Variants in MAPK14 observed in about 807,000 individuals in gnomAD.
MAPK14 encodes the protein mitogen-activated protein kinase 14.
Under a neutral mutation model 49.6 loss-of-function variants are expected in MAPK14, and 16 were observed. The observed-to-expected ratio is 0.32, with a 90% CI of 0.22 to 0.49. The LOEUF (loss-of-function observed/expected upper bound fraction) is 0.49. Ranked by LOEUF, MAPK14 falls within the 20% of genes least tolerant of loss-of-function variation. MAPK14 has a pLI of 0.99. For missense variants in MAPK14, 200 were observed against 441.2 expected (o/e 0.45, Z 4.90); for synonymous variants, 142 against 158.0 (o/e 0.90, Z 0.76).
At chr6:36,076,463 T>C in intron 7 of MAPK14, 74 bp from the exon 8 acceptor site, 1 of 1,052,148 alleles carries the variant, frequency 9.5e-7, no homozygotes, top group Non-Finnish European at 1.5e-6. Context: ...TCACCCCTAG[T>C]TACGGTTTCA....
the MAPK14 span, among the ~76,000 whole-genome samples, chr6:36,124,150 CCCTTCCTT>C: frequency 3.5e-5 from 1 of 28,904 alleles, no homozygotes. Flanking sequence ...CTCCCTCCCT[CCCTTCCTT>C]CCTTCCTTCC....
intron 1 of MAPK14, among the ~76,000 whole-genome samples, chr6:36,041,815 T>G (rs1762971614): frequency 6.6e-6 from 1 of 152,152 alleles, no homozygotes; most frequent in African/African-American, 2.4e-5. Flanking sequence ...GTGAAGGAAA[T>G]TTGCCAGTCG....
intron 8 of MAPK14, among the ~76,000 whole-genome samples, chr6:36,077,842 G>GTA (rs202001832): frequency 2.2e-4 from 33 of 151,946 alleles, no homozygotes; most frequent in Middle Eastern, 3.4e-3. Context: ...CAGAAATTTG[G>GTA]TATATATATA....
chr6:36,115,195 T>C (rs577370279), downstream of MAPK14, among the ~76,000 whole-genome samples: 2 of 152,296 alleles, frequency 1.3e-5, no homozygotes, highest in East Asian at 3.9e-4. Context: ...GAAGTTATTA[T>C]AAGTTAAATA....
intron 3 of MAPK14, among the ~76,000 whole-genome samples, chr6:36,069,199 C>A (rs190496799): frequency 3.9e-5 from 6 of 152,276 alleles, no homozygotes; most frequent in Admixed American, 6.5e-5. Context: ...GAAACAAATA[C>A]TATAGAAATT....
At chr6:36,049,291 G>A (rs1170615843) in intron 1 of MAPK14, among the ~76,000 whole-genome samples, 1 of 152,024 alleles carries the variant, frequency 6.6e-6, no homozygotes, top group Non-Finnish European at 1.5e-5. Flanking sequence ...CTATTTTAGG[G>A]CCCAAGATCT....
downstream of MAPK14, among the ~76,000 whole-genome samples, chr6:36,112,534 G>A (rs908889697): frequency 2.0e-5 from 3 of 152,188 alleles, no homozygotes; most frequent in African/African-American, 7.2e-5. Flanking sequence ...AACTGATTTT[G>A]TATCTTACAA....
chr6:36,047,588 C>CAG lies in MAPK14; in HGVS notation c.117-5110_117-5109dup, dbSNP rs539682445. Reference sequence around the variant, plus strand: ...TATTTTTTATTTTTCATTTTTGAGACAGTCTCACTGTATCTTCCAGGCTAG... The same window carrying CAG: ...TATTTTTTATTTTTCATTTTTGAGACAGAGTCTCACTGTATCTTCCAGGCTAG... On this transcript the variant is annotated intron_variant, in intron 1 of 11. Transcript: ENST00000229794. Among the ~76,000 whole-genome samples the CAG allele has an allele frequency of 1.2e-3, 180 of 152,268 alleles. 3 individuals are homozygous for CAG. The South Asian group carries it at 0.036, about 30-fold the overall frequency.
chr6:36,111,577 G>A (rs1164426282), downstream of MAPK14, among the ~76,000 whole-genome samples: 2 of 152,152 alleles, frequency 1.3e-5, no homozygotes, highest in Non-Finnish European at 1.5e-5. Flanking sequence ...AGCTGGCTAC[G>A]GTCCTTGAAA....
chr6:36,115,910 A>G (rs1273001703), downstream of MAPK14, among the ~76,000 whole-genome samples: 1 of 145,330 alleles, frequency 6.9e-6, no homozygotes, highest in Non-Finnish European at 1.5e-5. Context: ...CCTGGGCAAC[A>G]GAGGGAGACT....
downstream of MAPK14, among the ~76,000 whole-genome samples, chr6:36,113,951 G>T (rs1766017814): frequency 6.6e-6 from 1 of 152,244 alleles, no homozygotes; most frequent in Non-Finnish European, 1.5e-5. Context: ...ACCCAGCTGG[G>T]AGGGTTTGGT....
At chr6:36,039,262 C>A (rs1456892429) in intron 1 of MAPK14, among the ~76,000 whole-genome samples, 3 of 152,150 alleles carry the variant, frequency 2.0e-5, no homozygotes, top group Non-Finnish European at 2.9e-5. Context: ...AATAAGTTTT[C>A]CTGCAAACAT....
intron 2 of MAPK14, among the ~76,000 whole-genome samples, chr6:36,055,381 T>A (rs566770756): frequency 1.3e-3 from 201 of 152,370 alleles, no homozygotes; most frequent in African/African-American, 4.0e-3. Flanking sequence ...ATGCTAAATA[T>A]TGTCTCTGGA....
the MAPK14 span, among the ~76,000 whole-genome samples, chr6:36,124,174 T>TCCTG: frequency 1.5e-5 from 2 of 130,110 alleles, no homozygotes; most frequent in African/African-American, 2.8e-5. Flanking sequence ...CTTCCTTCCT[T>TCCTG]CCTGCCTTCC....
intron 7 of MAPK14, 152 bp from the exon 8 acceptor site, chr6:36,076,385 C>T (rs544317709): frequency 9.3e-6 from 6 of 647,110 alleles, no homozygotes; most frequent in Non-Finnish European, 1.4e-5. Context: ...TCTTAGTAAG[C>T]TATTTATTTC....
At chr6:36,074,998 G>A (rs1000651289) in intron 6 of MAPK14, among the ~76,000 whole-genome samples, 2 of 151,698 alleles carry the variant, frequency 1.3e-5, no homozygotes, top group Admixed American at 6.6e-5. Context: ...AGGCCAAGGC[G>A]GGTGGATTAT....
chr6:36,064,064 T>TTGTGTGTGTGTGTGTG (rs112138637), intron 3 of MAPK14, among the ~76,000 whole-genome samples: 2 of 149,624 alleles, frequency 1.3e-5, no homozygotes, highest in Admixed American at 6.7e-5. Context: ...TGCCTTTTCT[T>TTGTGTGTGTGTGTGTG]TGTGTGTGTG....
chr6:36,046,889 A>T (rs2127410208), intron 1 of MAPK14, among the ~76,000 whole-genome samples: 1 of 152,320 alleles, frequency 6.6e-6, no homozygotes, highest in South Asian at 2.1e-4. Flanking sequence ...TCAGCTAGAA[A>T]ACTGCTGCTG....
chr6:36,113,927 T>A (rs1439291708), downstream of MAPK14, among the ~76,000 whole-genome samples: 1 of 152,222 alleles, frequency 6.6e-6, no homozygotes, highest in African/African-American at 2.4e-5. Context: ...CAGTACTTTG[T>A]AGCGGCATTC....
Sources: gnomAD v4.1 joint callset for allele counts (sites outside exome capture counted in the v4.1 genomes callset) on GRCh38, gnomAD v4.1.1 for gene constraint, MANE v1.5 for transcripts, NCBI Gene and HGNC (gene_info 2026-07-23, HGNC 2026-07-21) for gene names.